PAFAH1B1: variants seen among roughly 807,000 people sequenced by gnomAD.
The protein encoded by PAFAH1B1 is platelet activating factor acetylhydrolase 1b regulatory subunit 1.
A neutral mutation model predicts 57.5 loss-of-function variants in PAFAH1B1; 2 were observed. That is an observed-to-expected ratio of 0.03 (90% CI 0.01 to 0.11). The LOEUF is 0.11. Ranked by LOEUF, PAFAH1B1 falls within the 10% of genes least tolerant of loss-of-function variation. PAFAH1B1 has a pLI of 1.00. For synonymous variants in PAFAH1B1, 152 were observed against 169.6 expected (o/e 0.90, Z 0.81); for missense variants, 257 against 512.0 (o/e 0.50, Z 4.81).
At chr17:2,663,237 C>T (rs1255557588) in intron 2 of PAFAH1B1, among the ~76,000 whole-genome samples, 2 of 152,038 alleles carry the variant, frequency 1.3e-5, no homozygotes, top group Admixed American at 6.6e-5. Context: ...GAGATCGCAC[C>T]ACTGCACTCC....
chr17:2,667,969 G>A (rs2069130410), intron 5 of PAFAH1B1, among the ~76,000 whole-genome samples: 1 of 151,914 alleles, frequency 6.6e-6, no homozygotes, highest in Non-Finnish European at 1.5e-5. Flanking sequence ...GATTTAGGTA[G>A]ATGCCTCTAT....
intron 1 of PAFAH1B1, among the ~76,000 whole-genome samples, chr17:2,616,365 A>G (rs998770841): frequency 1.2e-4 from 18 of 152,140 alleles, no homozygotes; most frequent in African/African-American, 3.4e-4. Context: ...TGACTGGTTG[A>G]TTGATGTTTG....
At chr17:2,608,172 C>T (rs983230541) in intron 1 of PAFAH1B1, among the ~76,000 whole-genome samples, 1 of 152,010 alleles carries the variant, frequency 6.6e-6, no homozygotes, top group African/African-American at 2.4e-5. Flanking sequence ...GCAACCTCCA[C>T]CTCCCAGGTT....
chr17:2,625,623 A>G (rs2068479387), intron 1 of PAFAH1B1, among the ~76,000 whole-genome samples: 1 of 152,170 alleles, frequency 6.6e-6, no homozygotes, highest in Non-Finnish European at 1.5e-5. Context: ...TGTTTACTCC[A>G]TTTAAGAACC....
intron 2 of PAFAH1B1, among the ~76,000 whole-genome samples, chr17:2,649,261 C>G (rs2068816648): frequency 6.8e-6 from 1 of 146,094 alleles, no homozygotes; most frequent in South Asian, 2.2e-4. Context: ...TAACCTGAAA[C>G]AAGATGGCAT....
intron 1 of PAFAH1B1, among the ~76,000 whole-genome samples, chr17:2,602,261 A>AC (rs1327149245): frequency 6.6e-6 from 1 of 151,966 alleles, no homozygotes; most frequent in Non-Finnish European, 1.5e-5. Context: ...GAAAAAAAAA[A>AC]CAAAACAGCG....
At position 2,665,464 on chromosome 17, in the gene PAFAH1B1, T is replaced by C. The variant is rs988234105; in HGVS notation, c.117+8T>C. 4.8e-6 allele frequency: 7 copies of C among 1,470,432 alleles called. No homozygotes were observed. The Admixed American group carries it at 5.0e-5, about 11-fold the overall frequency. 91.1% of individuals were successfully genotyped at this position (1,470,432 alleles called of 1,614,324 possible). ...GAAGCTGAATTAGATGTGGTATGTT[T>C]TACTTTTTACAATTCAAAGTATAGT... On this transcript the variant is annotated splice_region_variant and intron_variant, in intron 3 of 10. Coordinates refer to ENST00000397195, the MANE Select transcript of PAFAH1B1 (RefSeq NM_000430.4).
intron 10 of PAFAH1B1, 66 bp from the exon 11 acceptor site, chr17:2,681,663 G>A: frequency 8.4e-7 from 1 of 1,197,160 alleles, no homozygotes; most frequent in Admixed American, 1.8e-5. Context: ...TAGAGAGGGG[G>A]TCTCACTATG....
chr17:2,639,432 G>A (rs927378266), intron 2 of PAFAH1B1: 3 of 152,112 alleles, frequency 2.0e-5, no homozygotes, highest in Admixed American at 2.0e-4. Context: ...TAATGCAGAT[G>A]CTTTAATGAG....
chr17:2,665,511 A>G (rs2069094635), intron 3 of PAFAH1B1, 55 bp downstream of exon 3: 1 of 987,892 alleles, frequency 1.0e-6, no homozygotes, highest in East Asian at 2.4e-5. Flanking sequence ...TTTTCACTCA[A>G]GTATCTGTAG....
At chr17:2,652,744 T>C (rs576666080) in intron 2 of PAFAH1B1, among the ~76,000 whole-genome samples, 1 of 152,262 alleles carries the variant, frequency 6.6e-6, no homozygotes, top group East Asian at 1.9e-4. Context: ...TAGTTTAAGA[T>C]TGGGTACTTT....
rs918310496 is a variant in PAFAH1B1, at chr17:2,659,080, G to A, written c.33-6292G>A. On this transcript the variant is annotated intron_variant, in intron 2 of 10. Coordinates refer to ENST00000397195, the MANE Select transcript of PAFAH1B1 (RefSeq NM_000430.4). ...ACCCTGGCCAACATGGCAAAACCCCGTCTCTACTAAAAATACAAAAATTAG... is the reference window on the plus strand; with the variant it reads ...ACCCTGGCCAACATGGCAAAACCCCATCTCTACTAAAAATACAAAAATTAG... Among the ~76,000 whole-genome samples, 65 of 152,068 alleles carry A rather than the reference G, an allele frequency of 4.3e-4. 1 individual carries two copies. The highest frequency in any genetic ancestry group is 3.1e-3 in the Admixed American group (48 of 15,256).
chr17:2,665,368 T>A lies in PAFAH1B1; in HGVS notation c.33-4T>A. 6.3e-7 allele frequency: 1 copy of A among 1,575,868 alleles called. No individual in the cohort carries two copies. Among genetic ancestry groups the A allele is most frequent in the Admixed American group, 1.7e-5 (1 of 59,918 alleles). On this transcript the variant is annotated splice_region_variant and splice_polypyrimidine_tract_variant and intron_variant, in intron 2 of 10. Transcript: ENST00000397195. ...TTTAGGAGTCATTTGAATTTTTCTT[T>A]CAGAAATCGAGCTATAGCAGATTAT...
In PAFAH1B1 at chr17:2,623,363, A is replaced by C. The variant is rs568953925; in HGVS notation, c.-190-14736A>C. On this transcript the variant is annotated intron_variant, in intron 1 of 10. Transcript: ENST00000397195. ...TGGCTCCGCCTCCTGGATTCATGCC[A>C]TTCTCTTGACTCAGCCTCCCGAGTA... is the stretch of plus-strand genomic sequence containing the variant. Among the ~76,000 whole-genome samples the C allele has an allele frequency of 4.5e-5, 6 of 132,382 alleles. No homozygotes were observed. The South Asian group carries it at 1.4e-3, about 30-fold the overall frequency. The allele number at this position is 132,382 out of a possible 152,430, so 86.8% of individuals were successfully genotyped here.
rs2069359971 is a variant in PAFAH1B1, at chr17:2,680,248, C to T, written c.1087C>T (p.Arg363Cys). ...GAGTTGTGCTGATGACAAGACCCTACGCGTATGGGATTACAAGAACAAGCG... is the reference window on the plus strand; with the variant it reads ...GAGTTGTGCTGATGACAAGACCCTATGCGTATGGGATTACAAGAACAAGCG... ...ILSCADDKTL[R>C]VWDYKNKRCM... is the part of the protein sequence containing the mutation. Residue 363 changes from arginine to cysteine, a missense_variant, in exon 10 of 11, where the codon CGC becomes TGC. Transcript: ENST00000397195. 4.3e-6 allele frequency: 7 copies of T among 1,613,696 alleles called. No homozygotes were observed. Among genetic ancestry groups the T allele is most frequent in the Non-Finnish European group, 5.9e-6 (7 of 1,179,762 alleles).
chr17:2,660,225 CT>C (rs1025714688), intron 2 of PAFAH1B1, among the ~76,000 whole-genome samples: 436 of 144,812 alleles, frequency 3.0e-3, no homozygotes, highest in African/African-American at 5.8e-3. Flanking sequence ...TTCAGTGTAT[CT>C]TTTTTTTTTT....
At chr17:2,639,521 G>A (rs2068669478) in intron 2 of PAFAH1B1, 1 of 151,890 alleles carries the variant, frequency 6.6e-6, no homozygotes, top group African/African-American at 2.4e-5. Flanking sequence ...GAACATAGGG[G>A]GATTTTCCAC....
At chr17:2,600,663 A>G (rs1430597327) in intron 1 of PAFAH1B1, among the ~76,000 whole-genome samples, 2 of 152,152 alleles carry the variant, frequency 1.3e-5, no homozygotes, top group Non-Finnish European at 2.9e-5. Context: ...TTTATAAAAA[A>G]TATGCTAACT....
chr17:2,598,521 AAG>A (rs1567521224), intron 1 of PAFAH1B1, among the ~76,000 whole-genome samples: 1 of 152,118 alleles, frequency 6.6e-6, no homozygotes, highest in Non-Finnish European at 1.5e-5. Context: ...GTGCTTTGGA[AAG>A]AGGGAAATAG....
Sources: allele counts gnomAD v4.1 joint callset (sites outside exome capture counted in the v4.1 genomes callset), GRCh38; gene constraint gnomAD v4.1.1; transcripts MANE v1.5; gene names NCBI Gene and HGNC (gene_info 2026-07-23, HGNC 2026-07-21).